The following CPSF4L variants were observed in gnomAD, a reference collection of about 807,000 sequenced individuals.
CPSF4L encodes cleavage and polyadenylation specific factor 4 like.
CPSF4L carries 18 observed loss-of-function variants against 24.0 expected under a neutral mutation model. The observed-to-expected ratio is 0.75, with a 90% CI of 0.52 to 1.11. The LOEUF is 1.11. CPSF4L is among the 50% of genes least tolerant of loss of function. CPSF4L has a pLI of 0.00. For missense variants in CPSF4L, 211 were observed against 221.8 expected, an observed-to-expected ratio of 0.95 and a Z score of 0.31; for synonymous variants, 72 against 77.2, an observed-to-expected ratio of 0.93 and a Z score of 0.35.
chr17:73,254,605 G>A (rs1568331702), intron 3 of CPSF4L, among the ~76,000 whole-genome samples: 1 of 152,132 alleles, frequency 6.6e-6, no homozygotes, highest in Admixed American at 6.6e-5. Context: ...ATTTCCTACA[G>A]GGAGCCAGCC....
At chr17:73,243,971 G>C (rs754564091), downstream of CPSF4L, among the ~76,000 whole-genome samples, 3 of 152,204 alleles carry the variant, frequency 2.0e-5, no homozygotes, top group Non-Finnish European at 4.4e-5. Flanking sequence ...CCACAAAAGA[G>C]AGAAGGAGGA....
chr17:73,247,311 G>A, downstream of CPSF4L: 1 of 1,614,158 alleles, frequency 6.2e-7, no homozygotes, highest in Non-Finnish European at 8.5e-7. Flanking sequence ...AGACGACTGG[G>A]GATTGCCGCT....
At chr17:73,248,277 T>C (rs908112445), downstream of CPSF4L, 1 of 544,508 alleles carries the variant, frequency 1.8e-6, no homozygotes. Flanking sequence ...GTAAGACTGC[T>C]ACCCACAGAA....
chr17:73,260,819 C>T (rs1283789732), intron 2 of CPSF4L, 114 bp downstream of exon 2: 1 of 667,882 alleles, frequency 1.5e-6, no homozygotes, highest in Non-Finnish European at 2.5e-6. Context: ...AATTTTCCCT[C>T]CCCAGGTGCA....
chr17:73,247,565 T>C (rs2061969414), downstream of CPSF4L: 1 of 486,204 alleles, frequency 2.1e-6, no homozygotes, highest in African/African-American at 1.9e-5. Context: ...TTTAACTTAG[T>C]CACAGTAAAT....
At chr17:73,254,888 C>T (rs1045165572) in intron 3 of CPSF4L, among the ~76,000 whole-genome samples, 11 of 152,078 alleles carry the variant, frequency 7.2e-5, no homozygotes, top group Non-Finnish European at 1.2e-4. Context: ...GTGATCCGCC[C>T]ACCTTGGCTT....
At chr17:73,248,426 G>A, downstream of CPSF4L, 4 of 1,331,564 alleles carry the variant, frequency 3.0e-6, no homozygotes, top group South Asian at 3.8e-5. Context: ...GCTGCAGAAG[G>A]AGGGGGTAAA....
intron 3 of CPSF4L, among the ~76,000 whole-genome samples, chr17:73,255,415 G>A (rs554632169): frequency 6.6e-6 from 1 of 151,858 alleles, no homozygotes; most frequent in Admixed American, 6.6e-5. Flanking sequence ...GCTGTGGTGG[G>A]AGAATCGCTT....
chr17:73,253,599 C>T (rs570819010), intron 4 of CPSF4L, among the ~76,000 whole-genome samples: 5 of 152,280 alleles, frequency 3.3e-5, no homozygotes, highest in Admixed American at 2.6e-4. Context: ...AAGTGGAATG[C>T]GGAAGAGAGC....
chr17:73,257,833 C>G lies in CPSF4L; in HGVS notation c.155G>C (p.Gly52Ala). 1 of 1,551,340 alleles carries G rather than the reference C, an allele frequency of 6.4e-7. No homozygotes were observed. The change falls in exon 3 of 6, where the codon GGG (glycine) becomes GCG (alanine). Residue 52 changes from glycine to alanine, a missense_variant and splice_region_variant. Gly to Ala is a moderately conservative substitution (Grantham distance 60, BLOSUM62 0). Coordinates refer to ENST00000344935, the MANE Select transcript of CPSF4L (RefSeq NM_001129885.1). ...NFFTKGLCEKGKLCPFRHDRG... is the reference protein window; with the variant it reads ...NFFTKGLCEKAKLCPFRHDRG... ...GTCATGTCGGAAGGGGCAGAGTTTC[C>G]CTGGAGATGCCAGAGCACCTGGCTG...
downstream of CPSF4L, among the ~76,000 whole-genome samples, chr17:73,243,546 GTC>G (rs2061890070): frequency 1.4e-5 from 2 of 142,424 alleles, no homozygotes; most frequent in African/African-American, 5.2e-5. Context: ...ATTTCATGTT[GTC>G]TTTTTTTTTT....
At position 73,252,694 on chromosome 17, in the gene CPSF4L, T is replaced by G. The variant is rs975986869; in HGVS notation, c.433A>C (p.Arg145=). ...GPLCKYRHVP[R]IMCLNYLVGF... Reference sequence around the variant, plus strand: ...ACTAAATAGTTGAGACACATTATTCTGGGGACATGGCGGTATTTACACAGA... The same window carrying G: ...ACTAAATAGTTGAGACACATTATTCGGGGGACATGGCGGTATTTACACAGA... Residue 145 remains arginine, a synonymous_variant, in exon 5 of 6, where the codon AGA becomes CGA. Coordinates refer to ENST00000344935, the MANE Select transcript of CPSF4L (RefSeq NM_001129885.1). 10 of 1,551,304 alleles carry G rather than the reference T, an allele frequency of 6.4e-6. No individual in the cohort carries two copies. The highest frequency in any genetic ancestry group is 2.6e-6 in the Non-Finnish European group (3 of 1,146,860).
upstream of CPSF4L, among the ~76,000 whole-genome samples, chr17:73,262,643 GA>G (rs550357596): frequency 5.6e-4 from 86 of 152,346 alleles, no homozygotes; most frequent in Middle Eastern, 3.4e-3. Context: ...CAGGGCTGGG[GA>G]CATCTGACAA....
chr17:73,258,201 A>C (rs1308533371), intron 2 of CPSF4L, among the ~76,000 whole-genome samples: 6 of 151,976 alleles, frequency 3.9e-5, no homozygotes, highest in Non-Finnish European at 8.8e-5. Flanking sequence ...TAGTAGAGAC[A>C]GGGTTTCACC....
chr17:73,245,284 T>C, downstream of CPSF4L: 1 of 1,509,576 alleles, frequency 6.6e-7, no homozygotes, highest in Non-Finnish European at 8.9e-7. Context: ...AAATGTATAA[T>C]ATTTGGGACA....
chr17:73,242,868 A>G, the CPSF4L span: 142 of 1,588,000 alleles, frequency 8.9e-5, no homozygotes, highest in Non-Finnish European at 1.1e-4. Flanking sequence ...AGTTGCTGTA[A>G]CAACAAGCCG....
chr17:73,262,065 C>T (rs1283441249), upstream of CPSF4L: 3 of 537,220 alleles, frequency 5.6e-6, no homozygotes, highest in Non-Finnish European at 1.0e-5. Context: ...ACTGTGTACA[C>T]AAGGCTCACT....
chr17:73,246,897 T>C (rs1021000780), downstream of CPSF4L, among the ~76,000 whole-genome samples: 3 of 152,200 alleles, frequency 2.0e-5, no homozygotes, highest in Non-Finnish European at 4.4e-5. Context: ...GAATGCTCTT[T>C]AGGAGAGATG....
At chr17:73,244,008 G>T (rs1379681475), downstream of CPSF4L, among the ~76,000 whole-genome samples, 1 of 152,206 alleles carries the variant, frequency 6.6e-6, no homozygotes, top group Non-Finnish European at 1.5e-5. Context: ...ACTTACCAAT[G>T]TGTCTAAGTC....
Sources: gnomAD v4.1 joint callset for allele counts (sites outside exome capture counted in the v4.1 genomes callset) on GRCh38, gnomAD v4.1.1 for gene constraint, MANE v1.5 for transcripts, NCBI Gene and HGNC (gene_info 2026-07-23, HGNC 2026-07-21) for gene names.